The following ALK variants were observed in gnomAD, a reference collection of about 807,000 sequenced individuals.
ALK encodes ALK tyrosine kinase receptor.
Under a neutral mutation model 163.1 loss-of-function variants are expected in ALK, and 74 were observed. That is an observed-to-expected ratio of 0.45 (90% confidence interval 0.38 to 0.55). ALK has a LOEUF of 0.55. Ranked by LOEUF, ALK falls within the 20% of genes least tolerant of loss-of-function variation. The pLI, the probability that ALK is intolerant of heterozygous loss-of-function variation, is 0.00. For missense variants in ALK, 2,063 were observed against 2,105.3 expected (o/e 0.98, Z 0.39); for synonymous variants, 960 against 843.2 (o/e 1.14, Z -2.40).
chr2:29,452,332 G>T lies in ALK; in HGVS notation c.1155-68473C>A, dbSNP rs200968298. Among the ~76,000 whole-genome samples, 493 of 146,090 alleles carry T rather than the reference G, an allele frequency of 3.4e-3. 2 individuals are homozygous for T. The highest frequency in any genetic ancestry group is 9.3e-3 in the African/African-American group (371 of 39,740). On this transcript the variant is annotated intron_variant, in intron 4 of 28. Coordinates refer to ENST00000389048, the MANE Select transcript of ALK (RefSeq NM_004304.5). ...CTTAGATCTCACTCAAGTTTTTTTT[G>T]TTTTTTTTTTTTTTTTTTTCTTCAT...
At chr2:29,897,234 C>A (rs1667294150) in intron 1 of ALK, among the ~76,000 whole-genome samples, 1 of 151,968 alleles carries the variant, frequency 6.6e-6, no homozygotes, top group Non-Finnish European at 1.5e-5. Flanking sequence ...GCAGGAGAAC[C>A]ACCTGAGGTT....
At chr2:29,516,526 T>C (rs1672670921) in intron 4 of ALK, among the ~76,000 whole-genome samples, 1 of 152,144 alleles carries the variant, frequency 6.6e-6, no homozygotes, top group South Asian at 2.1e-4. Context: ...ATCTGGCATG[T>C]CACCTGCCAG....
chr2:29,434,725 G>C (rs1310519524), intron 4 of ALK, among the ~76,000 whole-genome samples: 1 of 152,152 alleles, frequency 6.6e-6, no homozygotes, highest in Non-Finnish European at 1.5e-5. Flanking sequence ...GAAAGGCATT[G>C]ATCAGCCCCC....
intron 1 of ALK, among the ~76,000 whole-genome samples, chr2:29,907,473 C>T (rs1306236895): frequency 6.6e-6 from 1 of 152,188 alleles, no homozygotes; most frequent in Non-Finnish European, 1.5e-5. Flanking sequence ...GTACAAGACA[C>T]TCCGTGAATT....
At chr2:29,481,244 A>G (rs67598653) in intron 4 of ALK, among the ~76,000 whole-genome samples, 26,030 of 152,146 alleles carry the variant, frequency 0.17, 2,437 homozygotes, top group East Asian at 0.36. Context: ...CCATTTCATC[A>G]TTTTCCTCTT....
chr2:29,214,877 C>G (rs572928190), intron 23 of ALK, among the ~76,000 whole-genome samples: 1 of 152,204 alleles, frequency 6.6e-6, no homozygotes, highest in Non-Finnish European at 1.5e-5. Flanking sequence ...CCCCAAGTCA[C>G]GGTGATGAAG....
chr2:29,579,131 G>T (rs1032367489), intron 3 of ALK, among the ~76,000 whole-genome samples: 1 of 152,182 alleles, frequency 6.6e-6, no homozygotes, highest in Non-Finnish European at 1.5e-5. Flanking sequence ...AAATCCACAG[G>T]GCACCAAGTA....
At chr2:29,876,905 C>T (rs1666738742) in intron 1 of ALK, among the ~76,000 whole-genome samples, 1 of 152,160 alleles carries the variant, frequency 6.6e-6, no homozygotes, top group African/African-American at 2.4e-5. Context: ...AACCAGCTCT[C>T]AGGCCCTGTC....
intron 1 of ALK, among the ~76,000 whole-genome samples, chr2:29,821,651 C>T (rs1048572356): frequency 2.0e-5 from 3 of 152,126 alleles, no homozygotes; most frequent in Non-Finnish European, 4.4e-5. Flanking sequence ...CTGGGGCACT[C>T]GATTGCTCCA....
chr2:29,734,977 CTAACAA>C, intron 1 of ALK, among the ~76,000 whole-genome samples: 1 of 152,196 alleles, frequency 6.6e-6, no homozygotes, highest in East Asian at 1.9e-4. Context: ...TAATAATTGA[CTAACAA>C]TGAGTATGTG....
In ALK at chr2:29,552,943, T is replaced by C. The variant is rs184794993; in HGVS notation, c.953-20827A>G. On this transcript the variant is annotated intron_variant, in intron 3 of 28. Transcript: ENST00000389048. ...GTTCTCAATGCCCCCACAGTTCTTG[T>C]AGACACCATGCCTTCATCCATGCTG... Among the ~76,000 whole-genome samples the C allele has an allele frequency of 5.3e-5, 8 of 152,280 alleles. No homozygotes were observed. In the East Asian group the frequency reaches 1.5e-3, roughly 29 times the overall value.
intron 1 of ALK, among the ~76,000 whole-genome samples, chr2:29,853,142 G>T (rs982977852): frequency 1.3e-5 from 2 of 151,280 alleles, no homozygotes; most frequent in African/African-American, 4.9e-5. Flanking sequence ...TATGGGAATC[G>T]AAAGCAGCCT....
intron 1 of ALK, among the ~76,000 whole-genome samples, chr2:29,841,576 C>T (rs1266260958): frequency 3.3e-5 from 5 of 152,084 alleles, no homozygotes; most frequent in Admixed American, 2.6e-4. Flanking sequence ...TTCTTGGGAG[C>T]CCTCTATTGG....
intron 4 of ALK, among the ~76,000 whole-genome samples, chr2:29,478,856 G>A (rs1558342531): frequency 6.6e-6 from 1 of 152,316 alleles, no homozygotes; most frequent in East Asian, 1.9e-4. Flanking sequence ...CAGGTGCAGA[G>A]GGTGGGAGCA....
In ALK at chr2:29,920,297, C is replaced by G; in HGVS notation, c.363G>C (p.Arg121=). 6.4e-7 allele frequency: 1 copy of G among 1,567,618 alleles called. No individual in the cohort carries two copies. Among genetic ancestry groups the G allele is most frequent in the South Asian group, 1.2e-5 (1 of 86,476 alleles). ...TAGSPAPAEA[R]TLSRVLKGGS... ...CGCCCTTCAGCACCCTGGACAGCGT[C>G]CGGGCCTCTGCCGGGGCTGGTGAAC... is the stretch of plus-strand genomic sequence containing the variant. Residue 121 remains arginine, a synonymous_variant, in exon 1 of 29, where the codon CGG becomes CGC. Coordinates refer to ENST00000389048, the MANE Select transcript of ALK (RefSeq NM_004304.5).
chr2:29,620,411 T>A (rs985589315), intron 3 of ALK, among the ~76,000 whole-genome samples: 5 of 150,274 alleles, frequency 3.3e-5, no homozygotes, highest in Non-Finnish European at 1.5e-5. Flanking sequence ...CTAATTTCAT[T>A]GGCAACAACC....
intron 3 of ALK, among the ~76,000 whole-genome samples, chr2:29,575,377 G>C (rs1245920741): frequency 6.6e-6 from 1 of 152,098 alleles, no homozygotes; most frequent in East Asian, 1.9e-4. Context: ...ATTCTCTTTA[G>C]TTATCTAAGT....
At chr2:29,730,342 C>T (rs1435275787) in intron 1 of ALK, among the ~76,000 whole-genome samples, 1 of 152,116 alleles carries the variant, frequency 6.6e-6, no homozygotes, top group Non-Finnish European at 1.5e-5. Context: ...AAAGACTATA[C>T]AGAATTATAG....
chr2:29,782,892 C>T (rs945131612), intron 1 of ALK, among the ~76,000 whole-genome samples: 2 of 152,310 alleles, frequency 1.3e-5, no homozygotes, highest in African/African-American at 4.8e-5. Flanking sequence ...CATTCTCAGG[C>T]CCTTTTGCAG....
Sources: allele counts gnomAD v4.1 joint callset (sites outside exome capture counted in the v4.1 genomes callset), GRCh38; gene constraint gnomAD v4.1.1; transcripts MANE v1.5; gene names NCBI Gene and HGNC (gene_info 2026-07-23, HGNC 2026-07-21).